Variants in CNTNAP3 observed in about 807,000 individuals in gnomAD.
CNTNAP3 encodes the protein contactin-associated protein-like 3.
A neutral mutation model predicts 92.1 loss-of-function variants in CNTNAP3; 36 were observed. That is an observed-to-expected ratio of 0.39 (90% CI 0.30 to 0.52). CNTNAP3 has a LOEUF of 0.52. CNTNAP3 is among the 20% of genes least tolerant of loss of function. The pLI, the probability that CNTNAP3 is intolerant of heterozygous loss-of-function variation, is 0.76. For synonymous variants in CNTNAP3, 232 were observed against 422.3 expected (o/e 0.55, Z 5.53); for missense variants, 534 against 1,069.6 (o/e 0.50, Z 6.98).
At chr9:39,078,969 G>A (rs1825863342) in intron 21 of CNTNAP3, 49 bp from the exon 22 acceptor site, 1 of 1,422,756 alleles carries the variant, frequency 7.0e-7, no homozygotes, top group Non-Finnish European at 9.5e-7. Flanking sequence ...GCGGAGATGG[G>A]GGCGCAGGCA....
chr9:39,126,977 G>C (rs1305042296), intron 13 of CNTNAP3, among the ~76,000 whole-genome samples: 1 of 151,708 alleles, frequency 6.6e-6, no homozygotes, highest in Non-Finnish European at 1.5e-5. Flanking sequence ...AAATGCCGAT[G>C]AAACATTTAC....
chr9:39,084,580 T>G (rs1826026216), intron 21 of CNTNAP3, among the ~76,000 whole-genome samples: 1 of 152,172 alleles, frequency 6.6e-6, no homozygotes, highest in African/African-American at 2.4e-5. Flanking sequence ...AACAGAGTGT[T>G]TTGGGTAACT....
At chr9:39,136,148 TAATAATAATAATAATAAA>T (rs1031018361) in intron 12 of CNTNAP3, among the ~76,000 whole-genome samples, 2 of 148,230 alleles carry the variant, frequency 1.3e-5, no homozygotes, top group African/African-American at 4.9e-5. Flanking sequence ...ATAATAATAA[TAATAATAATAATAATAAA>T]AATAATAGTT....
rs1188512677 is a variant in CNTNAP3, at chr9:39,103,917, G to A, written c.2366-3C>T. 2 of 1,582,936 alleles carry A rather than the reference G, an allele frequency of 1.3e-6. No individual in the cohort carries two copies. Among genetic ancestry groups the A allele is most frequent in the African/African-American group, 1.4e-5 (1 of 73,244 alleles). ...GGAAGCTGAATTCCAGAATGACTCT[G>A]TTTACAATAGAGAAAACGACAAAAG... On this transcript the variant is annotated splice_region_variant and splice_polypyrimidine_tract_variant and intron_variant, in intron 15 of 23. Coordinates refer to ENST00000297668, the MANE Select transcript of CNTNAP3 (RefSeq NM_033655.5).
intron 18 of CNTNAP3, among the ~76,000 whole-genome samples, chr9:39,095,288 C>T (rs1217765376): frequency 6.6e-6 from 1 of 151,586 alleles, no homozygotes; most frequent in East Asian, 1.9e-4. Flanking sequence ...AGAGATAGCC[C>T]TTCTATTGAA....
chr9:39,084,743 A>C (rs186884846), intron 21 of CNTNAP3, among the ~76,000 whole-genome samples: 2 of 152,166 alleles, frequency 1.3e-5, no homozygotes, highest in Non-Finnish European at 2.9e-5. Context: ...CAAAAAATGT[A>C]TAGCAGAACC....
Position 39,065,360 on chromosome 9 carries a change from T to G in CNTNAP3, c.*8530A>C, listed in dbSNP as rs1034484556. Among the ~76,000 whole-genome samples the G allele has an allele frequency of 3.3e-5, 5 of 152,144 alleles. No homozygotes were observed. The highest frequency in any genetic ancestry group is 1.2e-4 in the African/African-American group (5 of 41,434). On this transcript the variant is annotated 3_prime_UTR_variant, in exon 24 of 24. Transcript: ENST00000297668. ...ATTTCATTATTAATACAACACAAATTGTTTGTCCATTTTCTTGTTGAAGGT... is the reference window on the plus strand; with the variant it reads ...ATTTCATTATTAATACAACACAAATGGTTTGTCCATTTTCTTGTTGAAGGT...
rs1451881260 is a variant in CNTNAP3, at chr9:39,065,814, T to G, written c.*8076A>C. On this transcript the variant is annotated 3_prime_UTR_variant, in exon 24 of 24. Transcript: ENST00000297668. ...ATTATTTTCATTTTATTTTTGCTAA[T>G]TATTGAGTTGTTAAGAGTTCTTTAT... is the stretch of plus-strand genomic sequence containing the variant. Among the ~76,000 whole-genome samples the G allele has an allele frequency of 6.6e-6, 1 of 152,218 alleles. No homozygotes were observed. Among genetic ancestry groups the G allele is most frequent in the Non-Finnish European group, 1.5e-5 (1 of 68,024 alleles).
At chr9:39,122,644 T>C (rs1195866239) in intron 13 of CNTNAP3, among the ~76,000 whole-genome samples, 2 of 152,210 alleles carry the variant, frequency 1.3e-5, no homozygotes, top group African/African-American at 4.8e-5. Context: ...AAACCTTACA[T>C]TAAAGGCTTC....
At chr9:39,101,011 C>T (rs1448223835) in intron 17 of CNTNAP3, among the ~76,000 whole-genome samples, 3 of 150,706 alleles carry the variant, frequency 2.0e-5, no homozygotes, top group African/African-American at 7.3e-5. Context: ...GATTCATCCA[C>T]CGCAATGAAT....
intron 4 of CNTNAP3, among the ~76,000 whole-genome samples, chr9:39,179,284 TCTAC>T (rs1333870823): frequency 6.6e-5 from 3 of 45,280 alleles, no homozygotes; most frequent in Non-Finnish European, 1.3e-4. Context: ...TCTCTCTCTC[TCTAC>T]ACACACACAC....
At chr9:39,084,158 G>A (rs1826011218) in intron 21 of CNTNAP3, among the ~76,000 whole-genome samples, 1 of 150,734 alleles carries the variant, frequency 6.6e-6, no homozygotes, top group Non-Finnish European at 1.5e-5. Context: ...GGCTTTCTCA[G>A]TGCTTAATAA....
intron 7 of CNTNAP3, chr9:39,174,295 T>C: frequency 3.5e-6 from 1 of 287,720 alleles, no homozygotes; most frequent in Non-Finnish European, 6.5e-6. Flanking sequence ...TGTTTCCTTT[T>C]TCATGTATCT....
chr9:39,092,889 A>G (rs1157735946), intron 18 of CNTNAP3, among the ~76,000 whole-genome samples: 1 of 142,914 alleles, frequency 7.0e-6, no homozygotes, highest in Non-Finnish European at 1.5e-5. Flanking sequence ...ATTTGGGGCT[A>G]TATTATTAAC....
intron 17 of CNTNAP3, among the ~76,000 whole-genome samples, chr9:39,100,536 T>C (rs1826430684): frequency 6.6e-6 from 1 of 151,952 alleles, no homozygotes; most frequent in African/African-American, 2.4e-5. Flanking sequence ...AATTTCTTTA[T>C]GAATAAGAAT....
chr9:39,090,818 A>T (rs1160639875), intron 18 of CNTNAP3, among the ~76,000 whole-genome samples: 1 of 152,310 alleles, frequency 6.6e-6, no homozygotes, highest in Non-Finnish European at 1.5e-5. Context: ...TAATTATTCA[A>T]TCCATGACAT....
chr9:39,105,344 G>A (rs1279081899), intron 15 of CNTNAP3, among the ~76,000 whole-genome samples: 5 of 152,164 alleles, frequency 3.3e-5, no homozygotes, highest in East Asian at 1.9e-4. Flanking sequence ...GGAGAATGGA[G>A]TGAACCCGGG....
intron 13 of CNTNAP3, among the ~76,000 whole-genome samples, chr9:39,123,091 A>ACTT (rs1821072195): frequency 7.7e-6 from 1 of 129,822 alleles, no homozygotes; most frequent in African/African-American, 3.1e-5. Context: ...TTGGACAATA[A>ACTT]TTTTTTTTTT....
chr9:39,148,250 A>G (rs1253560709), intron 10 of CNTNAP3, among the ~76,000 whole-genome samples: 1 of 151,880 alleles, frequency 6.6e-6, no homozygotes, highest in African/African-American at 2.4e-5. Context: ...CACTTCATAT[A>G]CTCCTCATCT....
Sources: gnomAD v4.1 joint callset for allele counts (sites outside exome capture counted in the v4.1 genomes callset) on GRCh38, gnomAD v4.1.1 for gene constraint, MANE v1.5 for transcripts, NCBI Gene and HGNC (gene_info 2026-07-23, HGNC 2026-07-21) for gene names.